Variants in SPON1 observed in about 807,000 individuals in gnomAD.
SPON1 encodes the protein spondin-1.
In SPON1, 52 loss-of-function variants were observed where a neutral mutation model predicts 111.7. The observed-to-expected ratio is 0.47, with a 90% CI of 0.37 to 0.59. The LOEUF (loss-of-function observed/expected upper bound fraction) is 0.59, where lower values mean the gene tolerates loss of function less well. Among genes scored for constraint, SPON1 ranks in the 20% least tolerant of loss-of-function variants. The probability of loss-of-function intolerance (pLI) is 0.00; values close to 1 mark genes in which losing one functional copy is unlikely to be tolerated. For synonymous variants in SPON1, 410 were observed against 395.8 expected, an observed-to-expected ratio of 1.04 and a Z score of -0.43; for missense variants, 957 against 1,068.5, an observed-to-expected ratio of 0.90 and a Z score of 1.46.
At chr11:14,003,351 C>T (rs1046144419) in intron 2 of SPON1, among the ~76,000 whole-genome samples, 17 of 152,108 alleles carry the variant, frequency 1.1e-4, no homozygotes, top group East Asian at 1.9e-4. Context: ...ATCCCTGCAC[C>T]GAACAGCGAG....
chr11:14,117,432 A>G (rs1254875602), intron 5 of SPON1, among the ~76,000 whole-genome samples: 2 of 152,166 alleles, frequency 1.3e-5, no homozygotes, highest in Non-Finnish European at 1.5e-5. Context: ...TCTGTGTTCT[A>G]TGAACATATT....
At chr11:14,067,100 C>G (rs1236632289) in intron 3 of SPON1, among the ~76,000 whole-genome samples, 2 of 152,148 alleles carry the variant, frequency 1.3e-5, no homozygotes, top group African/African-American at 4.8e-5. Context: ...TCACTTGAGT[C>G]CAAGAGATTG....
chr11:14,203,842 T>C (rs1484165343), intron 6 of SPON1, among the ~76,000 whole-genome samples: 1 of 152,196 alleles, frequency 6.6e-6, no homozygotes, highest in African/African-American at 2.4e-5. Context: ...GCAGCATCAA[T>C]TGATACATTA....
chr11:14,112,017 G>A (rs781958538), intron 5 of SPON1, among the ~76,000 whole-genome samples: 8 of 151,240 alleles, frequency 5.3e-5, no homozygotes, highest in East Asian at 3.9e-4. Context: ...CAGAGACACC[G>A]AGAACCTGAA....
chr11:14,169,931 A>AAT (rs1848077271), intron 6 of SPON1, among the ~76,000 whole-genome samples: 1 of 152,182 alleles, frequency 6.6e-6, no homozygotes, highest in African/African-American at 2.4e-5. Flanking sequence ...AGGTAGTGTG[A>AAT]TGCCTCCAGC....
chr11:14,007,474 T>G (rs546368182), intron 2 of SPON1, among the ~76,000 whole-genome samples: 2 of 152,318 alleles, frequency 1.3e-5, no homozygotes, highest in South Asian at 4.1e-4. Context: ...TTTCACATTT[T>G]CTGCCTGCTT....
At position 14,058,388 on chromosome 11, in the gene SPON1, C is replaced by T. The variant is rs943058285; in HGVS notation, c.479+16734C>T. Among the ~76,000 whole-genome samples the T allele has an allele frequency of 7.9e-5, 12 of 152,186 alleles. No homozygotes were observed. The South Asian group carries it at 1.0e-3, about 13-fold the overall frequency. On this transcript the variant is annotated intron_variant, in intron 3 of 15. Transcript: ENST00000576479. ...AATGAGCCAGTCAACAGGCAGCAAC[C>T]TCATGGTGTGAAAGGGCCTCCCCGA...
chr11:14,105,694 C>T (rs1457077180), intron 5 of SPON1, among the ~76,000 whole-genome samples: 1 of 152,088 alleles, frequency 6.6e-6, no homozygotes, highest in African/African-American at 2.4e-5. Flanking sequence ...TTGAGTTTCT[C>T]ATGATGATAT....
chr11:13,991,861 C>T (rs1265666016), intron 2 of SPON1, among the ~76,000 whole-genome samples: 1 of 152,194 alleles, frequency 6.6e-6, no homozygotes, highest in Non-Finnish European at 1.5e-5. Flanking sequence ...CCACTCCTGA[C>T]CCTGTTTGCC....
chr11:14,249,432 T>A (rs1387525738), intron 7 of SPON1, among the ~76,000 whole-genome samples: 1 of 152,180 alleles, frequency 6.6e-6, no homozygotes, highest in African/African-American at 2.4e-5. Flanking sequence ...TGCCTCCTGG[T>A]TATAAACACA....
At chr11:13,986,463 G>T (rs1434101263) in intron 2 of SPON1, among the ~76,000 whole-genome samples, 1 of 151,970 alleles carries the variant, frequency 6.6e-6, no homozygotes, top group African/African-American at 2.4e-5. Flanking sequence ...AATATTTCAG[G>T]TATCCCGTCA....
intron 5 of SPON1, among the ~76,000 whole-genome samples, chr11:14,122,309 G>A (rs1302846263): frequency 6.6e-6 from 1 of 152,164 alleles, no homozygotes; most frequent in Non-Finnish European, 1.5e-5. Flanking sequence ...GAGTAACTGG[G>A]ACTACAGGCG....
chr11:14,086,173 C>A (rs1255018574), intron 5 of SPON1, among the ~76,000 whole-genome samples: 2 of 152,052 alleles, frequency 1.3e-5, no homozygotes, highest in African/African-American at 4.8e-5. Flanking sequence ...TCAGAACTTC[C>A]AATAGTATGT....
At chr11:14,041,202 C>T (rs1234878632) in intron 2 of SPON1, among the ~76,000 whole-genome samples, 1 of 152,214 alleles carries the variant, frequency 6.6e-6, no homozygotes, top group African/African-American at 2.4e-5. Context: ...CATCCTCCTT[C>T]TTCCCCAAAG....
chr11:14,236,498 G>C (rs571382057), intron 6 of SPON1, among the ~76,000 whole-genome samples: 1 of 152,300 alleles, frequency 6.6e-6, no homozygotes, highest in Admixed American at 6.5e-5. Context: ...TTGAGTGGCT[G>C]ATATGCAAGT....
chr11:14,123,343 A>T (rs1391342283), intron 5 of SPON1, among the ~76,000 whole-genome samples: 1 of 152,060 alleles, frequency 6.6e-6, no homozygotes, highest in Non-Finnish European at 1.5e-5. Context: ...TTACTGATGG[A>T]TCTGCTTCAT....
intron 5 of SPON1, 72 bp downstream of exon 5, chr11:14,080,093 C>T (rs1317207674): frequency 6.4e-7 from 1 of 1,573,102 alleles, no homozygotes; most frequent in Non-Finnish European, 8.7e-7. Context: ...ATAGGGCACA[C>T]TAGCTGCAGC....
At chr11:14,210,454 A>G (rs1370203938) in intron 6 of SPON1, among the ~76,000 whole-genome samples, 3 of 149,196 alleles carry the variant, frequency 2.0e-5, no homozygotes, top group African/African-American at 7.5e-5. Flanking sequence ...GCTGGAGTGC[A>G]GTGGCACAAT....
chr11:14,158,206 T>A (rs1282506077), intron 6 of SPON1, among the ~76,000 whole-genome samples: 3 of 152,126 alleles, frequency 2.0e-5, no homozygotes, highest in Non-Finnish European at 4.4e-5. Context: ...TGAGGGCTCT[T>A]TTACTTATGG....
Sources: gnomAD v4.1 joint callset for allele counts (sites outside exome capture counted in the v4.1 genomes callset) on GRCh38, gnomAD v4.1.1 for gene constraint, MANE v1.5 for transcripts, NCBI Gene and HGNC (gene_info 2026-07-23, HGNC 2026-07-21) for gene names.